Variants in COL4A4 observed in about 807,000 individuals in gnomAD.
COL4A4 encodes the protein collagen type IV alpha 4 chain.
A neutral mutation model predicts 192.9 loss-of-function variants in COL4A4; 105 were observed. The observed-to-expected ratio is 0.54, with a 90% CI of 0.46 to 0.64. The LOEUF is 0.64. Among genes scored for constraint, COL4A4 ranks in the 30% least tolerant of loss-of-function variants. COL4A4 has a pLI of 0.00. For missense variants in COL4A4, 1,967 were observed against 2,169.3 expected (o/e 0.91, Z 1.85); for synonymous variants, 762 against 769.9 (o/e 0.99, Z 0.17).
At chr2:227,046,064 T>C (rs137913116) in intron 35 of COL4A4, among the ~76,000 whole-genome samples, 2,366 of 136,778 alleles carry the variant, frequency 0.017, 105 homozygotes, top group African/African-American at 0.066. Flanking sequence ...TCTAAACATA[T>C]ATACATATAT....
At chr2:227,145,159 A>C (rs1453752280) in intron 2 of COL4A4, among the ~76,000 whole-genome samples, 1 of 152,210 alleles carries the variant, frequency 6.6e-6, no homozygotes, top group Non-Finnish European at 1.5e-5. Context: ...TTAAAAGACC[A>C]CTAAAAGGCC....
intron 28 of COL4A4, among the ~76,000 whole-genome samples, 184 bp from the exon 29 acceptor site, chr2:227,057,784 AAC>A (rs1279301726): frequency 6.6e-6 from 1 of 152,250 alleles, no homozygotes; most frequent in African/African-American, 2.4e-5. Context: ...TGAACAGAGA[AAC>A]AACGCATTGC....
intron 17 of COL4A4, 73 bp from the exon 18 acceptor site, chr2:227,099,762 T>C: frequency 7.7e-7 from 1 of 1,300,534 alleles, no homozygotes; most frequent in Non-Finnish European, 1.1e-6. Flanking sequence ...TAAACCAGTA[T>C]TAGAACGATC....
chr2:226,986,690 G>A, the COL4A4 span, among the ~76,000 whole-genome samples: 1 of 152,224 alleles, frequency 6.6e-6, no homozygotes, highest in Non-Finnish European at 1.5e-5. Flanking sequence ...AACAGATGCT[G>A]GAGAGGATGT....
intron 1 of COL4A4, among the ~76,000 whole-genome samples, chr2:227,151,611 C>T (rs1212703119): frequency 6.6e-6 from 1 of 152,182 alleles, no homozygotes; most frequent in Non-Finnish European, 1.5e-5. Context: ...GAGTAGTAAA[C>T]TGCCATGGTC....
chr2:227,104,182 C>T (rs906579633), intron 12 of COL4A4, 130 bp from the exon 13 acceptor site: 3 of 779,614 alleles, frequency 3.8e-6, no homozygotes, highest in East Asian at 2.4e-5. Context: ...GTGGCAAGTA[C>T]ATCATAGAAT....
At chr2:227,130,148 G>T (rs978930366) in intron 4 of COL4A4, among the ~76,000 whole-genome samples, 8 of 152,238 alleles carry the variant, frequency 5.3e-5, no homozygotes, top group Non-Finnish European at 1.2e-4. Flanking sequence ...TTCAGTGGCA[G>T]AGTGTTTTCT....
At chr2:227,107,994 G>A (rs1364950715) in intron 12 of COL4A4, among the ~76,000 whole-genome samples, 1 of 151,974 alleles carries the variant, frequency 6.6e-6, no homozygotes, top group African/African-American at 2.4e-5. Flanking sequence ...TTGACCTCAT[G>A]ATCCACCCGC....
chr2:227,084,134 G>C lies in COL4A4; in HGVS notation c.1624-1947C>G, dbSNP rs139691346. Among the ~76,000 whole-genome samples, 929 of 152,254 alleles carry C rather than the reference G, an allele frequency of 6.1e-3. 5 individuals carry two copies. Among genetic ancestry groups the C allele is most frequent in the African/African-American group, 0.021 (872 of 41,536 alleles). ...ATTAGAAAGAATTAGAAATCATAAA[G>C]TACTAATGTAGGTTGGGTTTTCTTT... On this transcript the variant is annotated intron_variant, in intron 22 of 47. Coordinates refer to ENST00000396625, the MANE Select transcript of COL4A4 (RefSeq NM_000092.5).
In COL4A4 at chr2:227,062,579, G is replaced by T; in HGVS notation, c.2007C>A (p.Asn669Lys). 6.2e-7 allele frequency: 1 copy of T among 1,612,758 alleles called. No homozygotes were observed. Among genetic ancestry groups the T allele is most frequent in the Non-Finnish European group, 8.5e-7 (1 of 1,178,956 alleles). Residue 669 changes from asparagine to lysine, a missense_variant, in exon 26 of 48, where the codon AAC becomes AAA. Coordinates refer to ENST00000396625, the MANE Select transcript of COL4A4 (RefSeq NM_000092.5). ...KGQKGDTISC[N>K]VTYPGRHGPP... ...GGCCATGCCTCCCAGGGTAGGTTAC[G>T]TTGCAAGAAATTGTGTCACCTGCAA...
chr2:227,023,817 T>G (rs1966486949), intron 43 of COL4A4, among the ~76,000 whole-genome samples: 1 of 151,780 alleles, frequency 6.6e-6, no homozygotes, highest in Non-Finnish European at 1.5e-5. Flanking sequence ...ATTGAGACCA[T>G]CCTAGCCAAC....
At chr2:227,090,712 A>C (rs2059870272) in intron 20 of COL4A4, among the ~76,000 whole-genome samples, 1 of 152,024 alleles carries the variant, frequency 6.6e-6, no homozygotes, top group South Asian at 2.1e-4. Flanking sequence ...AGATCGCACC[A>C]CTGTACTCCA....
At chr2:227,017,282 T>C (rs1482040469) in intron 44 of COL4A4, among the ~76,000 whole-genome samples, 1 of 152,086 alleles carries the variant, frequency 6.6e-6, no homozygotes, top group African/African-American at 2.4e-5. Flanking sequence ...CAAAGAGAAA[T>C]TGTCAGGCGG....
rs774439386 is a variant in COL4A4, at chr2:227,022,503, A to G, written c.4091-330T>C. ...GTGATGACCCTCACAGGATTGCCCAATCTCTGGGCCATTTTTTACTGGAGT... is the reference window on the plus strand; with the variant it reads ...GTGATGACCCTCACAGGATTGCCCAGTCTCTGGGCCATTTTTTACTGGAGT... On this transcript the variant is annotated intron_variant, in intron 43 of 47. Transcript: ENST00000396625. 3.5e-5 allele frequency: 20 copies of G among 566,254 alleles called. 1 individual carries two copies. Among genetic ancestry groups the G allele is most frequent in the South Asian group, 1.3e-4 (9 of 71,866 alleles). The allele number at this position is 566,254 out of a possible 1,614,324, so 35.1% of individuals were successfully genotyped here. A position where few individuals can be genotyped will look rare whatever the true frequency, so the allele number is the denominator to read the frequency against.
rs532843463 is a variant in COL4A4, at chr2:227,122,458, A to T, written c.193-1310T>A. 2.0e-5 allele frequency among the ~76,000 whole-genome samples: 3 copies of T among 152,366 alleles called. No individual in the cohort carries two copies. In the South Asian group the frequency reaches 6.2e-4, roughly 32 times the overall value. ...AGAAAAGCTTGGCAGGGTTTAGGAGATATCTGCTCAGATCAGATGTCTTAG... is the reference window on the plus strand; with the variant it reads ...AGAAAAGCTTGGCAGGGTTTAGGAGTTATCTGCTCAGATCAGATGTCTTAG... On this transcript the variant is annotated intron_variant, in intron 4 of 47. Transcript: ENST00000396625.
At chr2:227,122,618 T>G (rs2061859299) in intron 4 of COL4A4, among the ~76,000 whole-genome samples, 1 of 152,160 alleles carries the variant, frequency 6.6e-6, no homozygotes, top group South Asian at 2.1e-4. Flanking sequence ...CAACCCAATG[T>G]TGTGCAGTCC....
At chr2:227,125,210 T>G (rs959519168) in intron 4 of COL4A4, among the ~76,000 whole-genome samples, 2 of 152,162 alleles carry the variant, frequency 1.3e-5, no homozygotes, top group Non-Finnish European at 2.9e-5. Flanking sequence ...TTTATTTTTT[T>G]TTTGTTTTTT....
At chr2:226,983,409 T>C in the COL4A4 span, among the ~76,000 whole-genome samples, 2 of 152,160 alleles carry the variant, frequency 1.3e-5, no homozygotes, top group Admixed American at 1.3e-4. Context: ...TTCACTTTAT[T>C]TGCTGCTAGT....
At chr2:227,025,256 T>G (rs776257896) in intron 43 of COL4A4, among the ~76,000 whole-genome samples, 12 of 152,344 alleles carry the variant, frequency 7.9e-5, no homozygotes, top group Non-Finnish European at 1.6e-4. Flanking sequence ...TTGATTTTCT[T>G]TGAAAATGCC....
Sources: gnomAD v4.1 joint callset for allele counts (sites outside exome capture counted in the v4.1 genomes callset) on GRCh38, gnomAD v4.1.1 for gene constraint, MANE v1.5 for transcripts, NCBI Gene and HGNC (gene_info 2026-07-23, HGNC 2026-07-21) for gene names.